Variants in UBP1 observed in about 807,000 individuals in gnomAD.
UBP1 encodes upstream binding protein 1.
UBP1 carries 22 observed loss-of-function variants against 76.1 expected under a neutral mutation model. The observed-to-expected ratio is 0.29, with a 90% confidence interval of 0.21 to 0.41. The LOEUF is 0.41. Among genes scored for constraint, UBP1 ranks in the 10% least tolerant of loss-of-function variants. The pLI is 1.00. For missense variants in UBP1, 436 were observed against 668.1 expected (o/e 0.65, Z 3.83); for synonymous variants, 224 against 237.1 (o/e 0.94, Z 0.51).
chr3:33,441,205 A>G (rs1347950760), upstream of UBP1: 1 of 152,308 alleles, frequency 6.6e-6, no homozygotes, highest in Non-Finnish European at 1.5e-5. Context: ...CACTGCGGCC[A>G]AAAGACAGAA....
chr3:33,400,949 G>C lies in UBP1; in HGVS notation c.1086+13C>G. The C allele has an allele frequency of 6.3e-7, 1 of 1,592,270 alleles. No homozygotes were observed. Among genetic ancestry groups the C allele is most frequent in the Non-Finnish European group, 8.5e-7 (1 of 1,172,712 alleles). Reference sequence around the variant, plus strand: ...CTGAAAGCATCAGATAGTTTTAGGAGAAAGATACTTACTTCACCAGAGGTC... The same window carrying C: ...CTGAAAGCATCAGATAGTTTTAGGACAAAGATACTTACTTCACCAGAGGTC... On this transcript the variant is annotated intron_variant, in intron 10 of 15. Coordinates refer to ENST00000283629, the MANE Select transcript of UBP1 (RefSeq NM_014517.5).
In UBP1 at chr3:33,399,381, AACATTCC is replaced by A. The variant is rs1279251198; in HGVS notation, c.1180+801_1180+807del. Among the ~76,000 whole-genome samples, 5 of 152,154 alleles carry A rather than the reference AACATTCC, an allele frequency of 3.3e-5. No individual in the cohort carries two copies. The South Asian group carries it at 1.0e-3, about 31-fold the overall frequency. On this transcript the variant is annotated intron_variant, in intron 11 of 15. Coordinates refer to ENST00000283629, the MANE Select transcript of UBP1 (RefSeq NM_014517.5). ...TTGATACCTTTTAAAATTCCTTCTT[AACATTCC>A]CTTAGCTTACTGTGCAAGAAAAAAA...
At chr3:33,418,503 C>T (rs1298259345) in intron 2 of UBP1, among the ~76,000 whole-genome samples, 1 of 151,910 alleles carries the variant, frequency 6.6e-6, no homozygotes, top group African/African-American at 2.4e-5. Flanking sequence ...GGGTGATTCA[C>T]CCGCCTCAGC....
rs902049852 is a variant in UBP1, at chr3:33,389,090, G to A, written c.*1241C>T. On this transcript the variant is annotated 3_prime_UTR_variant, in exon 16 of 16. Transcript: ENST00000283629. ...GGGAAGGTTTTGGATGAAGGACGGA[G>A]ATATGGGAGGAAAGTGAGAAAACAG... 1.3e-5 allele frequency: 2 copies of A among 152,626 alleles called. No homozygotes were observed. Among genetic ancestry groups the A allele is most frequent in the Non-Finnish European group, 2.9e-5 (2 of 68,044 alleles). The allele number at this position is 152,626 out of a possible 1,614,324, so 9.5% of individuals were successfully genotyped here. A position where few individuals can be genotyped will look rare whatever the true frequency, so the allele number is the denominator to read the frequency against.
intron 2 of UBP1, among the ~76,000 whole-genome samples, chr3:33,424,970 G>T (rs537984041): frequency 3.1e-4 from 47 of 152,208 alleles, no homozygotes; most frequent in African/African-American, 1.1e-3. Flanking sequence ...GCTTTAACCT[G>T]GGGGGCGGAG....
At chr3:33,407,797 C>G (rs2154057007) in intron 8 of UBP1, among the ~76,000 whole-genome samples, 1 of 152,284 alleles carries the variant, frequency 6.6e-6, no homozygotes, top group East Asian at 1.9e-4. Context: ...AAGACTGCAA[C>G]AGTGAATACA....
At chr3:33,441,386 A>C (rs2154060847), upstream of UBP1, 1 of 152,410 alleles carries the variant, frequency 6.6e-6, no homozygotes, top group East Asian at 1.9e-4. Context: ...TTACTGCCTA[A>C]GAATAAGACC....
At chr3:33,395,703 C>T (rs767765181) in intron 13 of UBP1, among the ~76,000 whole-genome samples, 13 of 116,696 alleles carry the variant, frequency 1.1e-4, no homozygotes, top group African/African-American at 2.7e-4. Context: ...CACTGTTGCA[C>T]ATATGTTATG....
upstream of UBP1, chr3:33,440,966 G>A (rs778293045): frequency 1.3e-5 from 2 of 152,260 alleles, no homozygotes; most frequent in Non-Finnish European, 2.9e-5. Flanking sequence ...CTTGATTGGC[G>A]TGAGAATAAG....
At chr3:33,434,682 C>CTTTTTTTTTT (rs10709462) in intron 1 of UBP1, among the ~76,000 whole-genome samples, 2 of 87,702 alleles carry the variant, frequency 2.3e-5, no homozygotes, top group Non-Finnish European at 4.5e-5. Flanking sequence ...AATGGTTTTA[C>CTTTTTTTTTT]TTTTTTTTTT....
At chr3:33,431,972 C>G (rs1481106347) in intron 1 of UBP1, among the ~76,000 whole-genome samples, 2 of 152,124 alleles carry the variant, frequency 1.3e-5, no homozygotes, top group Admixed American at 6.5e-5. Context: ...TTAACAAAAT[C>G]TGAATACTCT....
chr3:33,406,188 A>T, intron 8 of UBP1, among the ~76,000 whole-genome samples: 1 of 152,324 alleles, frequency 6.6e-6, no homozygotes, highest in East Asian at 1.9e-4. Context: ...CTGAGGCAGG[A>T]GGACTGCTTG....
At chr3:33,400,473 C>A (rs1164129453) in intron 10 of UBP1, among the ~76,000 whole-genome samples, 191 bp from the exon 11 acceptor site, 1 of 152,050 alleles carries the variant, frequency 6.6e-6, no homozygotes, top group South Asian at 2.1e-4. Context: ...GCTATTCAGC[C>A]ATAAAAAAAG....
At chr3:33,405,058 C>T (rs2044380278) in intron 8 of UBP1, among the ~76,000 whole-genome samples, 1 of 151,962 alleles carries the variant, frequency 6.6e-6, no homozygotes, top group South Asian at 2.1e-4. Flanking sequence ...AGGCTATGGT[C>T]ACAGCAAATT....
At chr3:33,400,717 T>C (rs2044194022) in intron 10 of UBP1, among the ~76,000 whole-genome samples, 1 of 151,992 alleles carries the variant, frequency 6.6e-6, no homozygotes, top group African/African-American at 2.4e-5. Context: ...GATTAAAGGG[T>C]GCAAACAAAC....
chr3:33,408,304 A>G (rs534568051), intron 8 of UBP1, among the ~76,000 whole-genome samples: 1 of 152,316 alleles, frequency 6.6e-6, no homozygotes, highest in South Asian at 2.1e-4. Context: ...CTTTTCAGTT[A>G]CACAAAAATA....
intron 14 of UBP1, 111 bp downstream of exon 14, chr3:33,393,201 G>T: frequency 1.8e-6 from 2 of 1,123,676 alleles, no homozygotes; most frequent in Admixed American, 3.1e-5. Context: ...CTCTGAAAAT[G>T]ATTCTCATAA....
chr3:33,400,106 A>C (rs2044164739), intron 11 of UBP1, 83 bp downstream of exon 11: 1 of 941,470 alleles, frequency 1.1e-6, no homozygotes, highest in Non-Finnish European at 1.5e-6. Flanking sequence ...TTATTTCAAA[A>C]TTTTAAAAAT....
At chr3:33,393,166 A>C in intron 14 of UBP1, 146 bp downstream of exon 14, 1 of 909,400 alleles carries the variant, frequency 1.1e-6, no homozygotes, top group Non-Finnish European at 1.6e-6. Context: ...CTTGGTTATA[A>C]GTTCTTCCAA....
Sources: gnomAD v4.1 joint callset for allele counts (sites outside exome capture counted in the v4.1 genomes callset) on GRCh38, gnomAD v4.1.1 for gene constraint, MANE v1.5 for transcripts, NCBI Gene and HGNC (gene_info 2026-07-23, HGNC 2026-07-21) for gene names.